Variants in DSCAM observed in about 807,000 individuals in gnomAD.
DSCAM encodes the protein cell adhesion molecule DSCAM.
In DSCAM, 47 loss-of-function variants were observed where a neutral mutation model predicts 217.7. The ratio of observed to expected loss-of-function variants is 0.22; its 90% CI spans 0.17 to 0.28. DSCAM has a LOEUF of 0.28. Among genes scored for constraint, DSCAM ranks in the 10% least tolerant of loss-of-function variants. The pLI is 1.00. For synonymous variants in DSCAM, 1,056 were observed against 1,015.3 expected (o/e 1.04, Z -0.76); for missense variants, 2,080 against 2,618.3 (o/e 0.79, Z 4.49).
intron 3 of DSCAM, among the ~76,000 whole-genome samples, chr21:40,603,675 A>T (rs2077079506): frequency 6.6e-6 from 1 of 152,002 alleles, no homozygotes; most frequent in African/African-American, 2.4e-5. Context: ...TTGAAGAAAC[A>T]TTATGTAGAC....
At chr21:40,613,373 G>A (rs1300510133) in intron 3 of DSCAM, among the ~76,000 whole-genome samples, 1 of 152,080 alleles carries the variant, frequency 6.6e-6, no homozygotes. Flanking sequence ...AATACATATG[G>A]AATGCTGTTT....
intron 11 of DSCAM, among the ~76,000 whole-genome samples, chr21:40,200,018 T>TC (rs1406935120): frequency 1.4e-5 from 2 of 147,882 alleles, no homozygotes; most frequent in South Asian, 2.1e-4. Context: ...TCAGGATTCT[T>TC]TTTTTTTTTT....
At chr21:40,707,450 A>G (rs2090730107) in intron 2 of DSCAM, among the ~76,000 whole-genome samples, 1 of 152,214 alleles carries the variant, frequency 6.6e-6, no homozygotes, top group Non-Finnish European at 1.5e-5. Flanking sequence ...TGGGAAAATG[A>G]CTAGCTAGCA....
At chr21:40,182,670 AGGGGGGGGTTACCAGAGAAACCGTGGACG>A (rs2090831665) in intron 14 of DSCAM, among the ~76,000 whole-genome samples, 1 of 17,034 alleles carries the variant, frequency 5.9e-5, no homozygotes, top group Non-Finnish European at 1.1e-4. Context: ...AACCGTGGAC[AGGGGGGGGTTACCAGAGAAACCGTGGACG>A]GGGGGGGGTT....
At chr21:40,244,189 G>C (rs530674175) in intron 11 of DSCAM, among the ~76,000 whole-genome samples, 2 of 152,124 alleles carry the variant, frequency 1.3e-5, no homozygotes, top group Middle Eastern at 3.2e-3. Flanking sequence ...AGTGGTTCAC[G>C]CCTGTAATCC....
chr21:40,090,929 T>C (rs2089600873), intron 21 of DSCAM, among the ~76,000 whole-genome samples: 1 of 152,154 alleles, frequency 6.6e-6, no homozygotes, highest in Admixed American at 6.5e-5. Context: ...CATCAAGAAA[T>C]CGTGCCTCCA....
chr21:40,347,630 G>C (rs1438297532), intron 6 of DSCAM, 40 bp downstream of exon 6: 2 of 1,610,272 alleles, frequency 1.2e-6, no homozygotes, highest in African/African-American at 2.7e-5. Context: ...TCTGGGTTTG[G>C]GTTCTTTTTC....
At chr21:40,518,376 A>ATTATTAAT in intron 3 of DSCAM, among the ~76,000 whole-genome samples, 2 of 7,652 alleles carry the variant, frequency 2.6e-4, no homozygotes, top group African/African-American at 2.0e-3. Context: ...TATATAATAT[A>ATTATTAAT]TATATAATAT....
chr21:40,725,291 A>G (rs762384971), intron 1 of DSCAM, among the ~76,000 whole-genome samples: 1 of 152,176 alleles, frequency 6.6e-6, no homozygotes, highest in Non-Finnish European at 1.5e-5. Context: ...GGAAGCAATG[A>G]CAAAGTGTAG....
intron 3 of DSCAM, among the ~76,000 whole-genome samples, chr21:40,418,565 G>T (rs530641996): frequency 6.6e-6 from 1 of 152,254 alleles, no homozygotes; most frequent in South Asian, 2.1e-4. Flanking sequence ...TTTTGCTCAG[G>T]ATTGCCGGTA....
At chr21:40,442,299 G>C (rs1260725659) in intron 3 of DSCAM, among the ~76,000 whole-genome samples, 1 of 151,974 alleles carries the variant, frequency 6.6e-6, no homozygotes, top group Non-Finnish European at 1.5e-5. Context: ...TCTGGATGTT[G>C]AGGTCAAAAT....
chr21:40,354,279 G>T (rs2074666289), intron 4 of DSCAM, among the ~76,000 whole-genome samples: 3 of 152,108 alleles, frequency 2.0e-5, no homozygotes, highest in Admixed American at 2.0e-4. Flanking sequence ...ACACTGATTT[G>T]ATTTTAACAA....
intron 3 of DSCAM, among the ~76,000 whole-genome samples, chr21:40,436,136 CA>C (rs1277458228): frequency 6.6e-6 from 1 of 152,178 alleles, no homozygotes; most frequent in African/African-American, 2.4e-5. Context: ...ATGAGTTTAT[CA>C]GGACATAACC....
At chr21:40,335,944 A>T (rs957393172) in intron 8 of DSCAM, among the ~76,000 whole-genome samples, 1 of 152,208 alleles carries the variant, frequency 6.6e-6, no homozygotes, top group South Asian at 2.1e-4. Context: ...ATGACTATTC[A>T]TTGTACTGTT....
chr21:40,526,964 C>T (rs1320376116), intron 3 of DSCAM, among the ~76,000 whole-genome samples: 1 of 152,108 alleles, frequency 6.6e-6, no homozygotes, highest in East Asian at 1.9e-4. Flanking sequence ...GTTCCTGAGC[C>T]CCTGCAAAGT....
chr21:40,478,437 T>C (rs568126222), intron 3 of DSCAM, among the ~76,000 whole-genome samples: 7 of 152,324 alleles, frequency 4.6e-5, no homozygotes, highest in South Asian at 2.1e-4. Flanking sequence ...TTTAAAAAGA[T>C]TGGTCATTTT....
intron 16 of DSCAM, 144 bp downstream of exon 16, chr21:40,167,074 T>A: frequency 1.5e-6 from 1 of 668,738 alleles, no homozygotes. Flanking sequence ...AAATACTGCA[T>A]TTTAAGAAAA....
chr21:40,623,902 T>G lies in DSCAM; in HGVS notation c.508+68908A>C, dbSNP rs892865564. ...CCCATATCTGATTTGATAATGATAT[T>G]CACCATTGATTTTATAGCCCAAGGG... On this transcript the variant is annotated intron_variant, in intron 3 of 32. Coordinates refer to ENST00000400454, the MANE Select transcript of DSCAM (RefSeq NM_001389.5). 5.3e-5 allele frequency among the ~76,000 whole-genome samples: 8 copies of G among 152,338 alleles called. No homozygotes were observed. In the South Asian group the frequency reaches 1.7e-3, roughly 32 times the overall value.
chr21:40,477,980 G>T (rs929587729), intron 3 of DSCAM, among the ~76,000 whole-genome samples: 2 of 152,018 alleles, frequency 1.3e-5, no homozygotes, highest in African/African-American at 4.8e-5. Flanking sequence ...CAGGACCCCT[G>T]AGCCCCACCC....
Sources: gnomAD v4.1 joint callset for allele counts (sites outside exome capture counted in the v4.1 genomes callset) on GRCh38, gnomAD v4.1.1 for gene constraint, MANE v1.5 for transcripts, NCBI Gene and HGNC (gene_info 2026-07-23, HGNC 2026-07-21) for gene names.